Variants in PDE1A observed in about 807,000 individuals in gnomAD.
PDE1A encodes the protein phosphodiesterase 1A.
Under a neutral mutation model 61.7 loss-of-function variants are expected in PDE1A, and 35 were observed. The observed-to-expected ratio is 0.57, with a 90% CI of 0.43 to 0.75. PDE1A has a LOEUF of 0.75. PDE1A is among the 30% of genes least tolerant of loss of function. PDE1A has a pLI of 0.00. For missense variants in PDE1A, 597 were observed against 630.6 expected (o/e 0.95, Z 0.57); for synonymous variants, 232 against 213.2 (o/e 1.09, Z -0.77).
chr2:182,702,293 C>T, the PDE1A span, among the ~76,000 whole-genome samples: 108 of 152,202 alleles, frequency 7.1e-4, no homozygotes, highest in African/African-American at 2.4e-3. Flanking sequence ...TTGGTAGAGA[C>T]AGGGTTTCAC....
chr2:182,510,580 A>G (rs1689718231), intron 2 of PDE1A, among the ~76,000 whole-genome samples: 1 of 152,212 alleles, frequency 6.6e-6, no homozygotes, highest in Non-Finnish European at 1.5e-5. Context: ...CATGATAGCA[A>G]TTACCTAGAA....
intron 2 of PDE1A, among the ~76,000 whole-genome samples, chr2:182,441,209 C>T (rs1684770878): frequency 6.6e-6 from 1 of 151,994 alleles, no homozygotes; most frequent in Non-Finnish European, 1.5e-5. Context: ...GTGAAACCAC[C>T]CCCATGATTC....
the PDE1A span, among the ~76,000 whole-genome samples, chr2:182,696,440 T>C: frequency 6.6e-6 from 1 of 152,156 alleles, no homozygotes; most frequent in African/African-American, 2.4e-5. Context: ...GAAAGGACAG[T>C]GGTTCCCAGG....
At chr2:182,699,786 A>T in the PDE1A span, among the ~76,000 whole-genome samples, 1 of 152,232 alleles carries the variant, frequency 6.6e-6, no homozygotes, top group African/African-American at 2.4e-5. Context: ...TTTTAAAAAC[A>T]TGTTTTCTTA....
chr2:182,212,916 C>T (rs1687774929), intron 7 of PDE1A, among the ~76,000 whole-genome samples: 1 of 151,852 alleles, frequency 6.6e-6, no homozygotes, highest in South Asian at 2.1e-4. Context: ...GAGCCCACCA[C>T]AGCTCAAGGA....
chr2:182,426,983 A>C lies in PDE1A; in HGVS notation c.-353T>G. The C allele has an allele frequency of 9.9e-7, 1 of 1,014,724 alleles. No individual in the cohort carries two copies. Among genetic ancestry groups the C allele is most frequent in the African/African-American group, 1.7e-5 (1 of 58,408 alleles). The allele number at this position is 1,014,724 out of a possible 1,614,324, so 62.9% of individuals were successfully genotyped here. ...AGTGTCATCCAGGTAGGAACTCCCT[A>C]AGTTATTGCAGCCATGAGAGCTCTC... On this transcript the variant is annotated 5_prime_UTR_variant, in exon 1 of 14. An upstream open reading frame in the 5' UTR gains an earlier in-frame stop. Coordinates refer to ENST00000351439, the Ensembl canonical transcript of PDE1A.
intron 2 of PDE1A, among the ~76,000 whole-genome samples, chr2:182,503,191 C>T (rs1689199905): frequency 6.6e-6 from 1 of 152,122 alleles, no homozygotes; most frequent in Non-Finnish European, 1.5e-5. Context: ...ATACTTCTTA[C>T]CACCTCCAAA....
At chr2:182,439,580 G>A (rs1286020784) in intron 2 of PDE1A, among the ~76,000 whole-genome samples, 1 of 151,976 alleles carries the variant, frequency 6.6e-6, no homozygotes, top group African/African-American at 2.4e-5. Flanking sequence ...AAAGACTAGT[G>A]GAACATTTCC....
At chr2:182,522,574 C>T in intron 1 of PDE1A, 1 of 1,388,284 alleles carries the variant, frequency 7.2e-7, no homozygotes, top group Non-Finnish European at 9.4e-7. Flanking sequence ...CTCACCACCT[C>T]ACCACCCCCC....
chr2:182,547,910 G>A, the PDE1A span, among the ~76,000 whole-genome samples: 3 of 152,138 alleles, frequency 2.0e-5, no homozygotes, highest in African/African-American at 7.2e-5. Context: ...GAAGAAAAAA[G>A]TTAAATAGCC....
At chr2:182,265,319 A>G (rs1473049739) in intron 1 of PDE1A, among the ~76,000 whole-genome samples, 1 of 152,096 alleles carries the variant, frequency 6.6e-6, no homozygotes, top group African/African-American at 2.4e-5. Flanking sequence ...CAAAAAAACA[A>G]AGAGTGCTTT....
upstream of PDE1A, among the ~76,000 whole-genome samples, chr2:182,427,514 C>CGAT (rs1224240770): frequency 6.6e-6 from 1 of 152,034 alleles, no homozygotes; most frequent in East Asian, 1.9e-4. Context: ...CACACACATC[C>CGAT]ACATGCTTTT....
At chr2:182,668,917 C>T in the PDE1A span, among the ~76,000 whole-genome samples, 1 of 152,194 alleles carries the variant, frequency 6.6e-6, no homozygotes, top group Non-Finnish European at 1.5e-5. Context: ...AACAGTGGCT[C>T]AGAGCCAAGT....
intron 1 of PDE1A, among the ~76,000 whole-genome samples, chr2:182,406,132 T>C (rs1702283446): frequency 1.3e-5 from 2 of 152,106 alleles, no homozygotes; most frequent in Admixed American, 1.3e-4. Flanking sequence ...CTTCATTTTA[T>C]TCTCACTTCA....
intron 1 of PDE1A, among the ~76,000 whole-genome samples, chr2:182,412,142 G>A (rs1287723101): frequency 6.6e-6 from 1 of 151,906 alleles, no homozygotes; most frequent in Non-Finnish European, 1.5e-5. Flanking sequence ...ACCAACCTAG[G>A]TAAATTTTTG....
intron 1 of PDE1A, among the ~76,000 whole-genome samples, chr2:182,417,121 A>AC (rs1702967695): frequency 1.3e-5 from 2 of 152,242 alleles, no homozygotes; most frequent in Non-Finnish European, 2.9e-5. Context: ...GCAGATGCTC[A>AC]GCACTTGGCT....
chr2:182,281,770 T>C (rs1324709285), intron 1 of PDE1A, among the ~76,000 whole-genome samples: 2 of 151,964 alleles, frequency 1.3e-5, no homozygotes, highest in Non-Finnish European at 2.9e-5. Context: ...GTCACTCTGA[T>C]TTAGCAAGAG....
chr2:182,383,033 T>C (rs1401503229), intron 1 of PDE1A, among the ~76,000 whole-genome samples: 1 of 152,034 alleles, frequency 6.6e-6, no homozygotes, highest in Non-Finnish European at 1.5e-5. Flanking sequence ...CCCAATTAAA[T>C]ATCTCCCTCA....
chr2:182,707,916 T>C, the PDE1A span, among the ~76,000 whole-genome samples: 1 of 152,076 alleles, frequency 6.6e-6, no homozygotes, highest in Non-Finnish European at 1.5e-5. Context: ...TACAGCTAGG[T>C]AGGATGACTA....
Sources: allele counts gnomAD v4.1 joint callset (sites outside exome capture counted in the v4.1 genomes callset), GRCh38; gene constraint gnomAD v4.1.1; transcripts MANE v1.5; gene names NCBI Gene and HGNC (gene_info 2026-07-23, HGNC 2026-07-21).